The following GRIP1 variants were observed in gnomAD, a reference collection of about 807,000 sequenced individuals.
The protein encoded by GRIP1 is glutamate receptor interacting protein 1.
In GRIP1, 45 loss-of-function variants were observed where a neutral mutation model predicts 129.9. The observed-to-expected ratio is 0.35, with a 90% confidence interval of 0.27 to 0.44. The LOEUF is 0.44. Ranked by LOEUF, GRIP1 falls within the 20% of genes least tolerant of loss-of-function variation. The pLI is 1.00. For synonymous variants in GRIP1, 530 were observed against 520.8 expected, an observed-to-expected ratio of 1.02 and a Z score of -0.24; for missense variants, 1,196 against 1,396.8, an observed-to-expected ratio of 0.86 and a Z score of 2.29.
At chr12:66,958,836 T>TA (rs1198544899) in intron 1 of GRIP1, among the ~76,000 whole-genome samples, 9 of 152,270 alleles carry the variant, frequency 5.9e-5, no homozygotes, top group African/African-American at 1.7e-4. Context: ...GAATGGGAAA[T>TA]AGAGTTTAGG....
intron 1 of GRIP1, among the ~76,000 whole-genome samples, chr12:66,832,837 A>G (rs530572134): frequency 6.6e-6 from 1 of 152,148 alleles, no homozygotes; most frequent in Non-Finnish European, 1.5e-5. Flanking sequence ...ACTGTAAAAT[A>G]CTCTCTAACA....
intron 7 of GRIP1, among the ~76,000 whole-genome samples, chr12:66,469,004 T>C (rs748760332): frequency 6.6e-6 from 1 of 152,230 alleles, no homozygotes; most frequent in Non-Finnish European, 1.5e-5. Context: ...GATGCAAATA[T>C]GCAATTAATG....
intron 1 of GRIP1, among the ~76,000 whole-genome samples, chr12:66,708,380 A>G (rs2136387484): frequency 6.6e-6 from 1 of 152,148 alleles, no homozygotes; most frequent in East Asian, 1.9e-4. Context: ...GAGCTACCTA[A>G]TGAAGAGTGT....
rs952825638 is a variant in GRIP1, at chr12:66,708,323, GA to G, written c.-419-77988del. ...AAATTACAGGTAATAAAAACTTAAA[GA>G]AAAAAAAATCCTAACCCCTGTCTAA... is the stretch of plus-strand genomic sequence containing the variant. On this transcript the variant is annotated intron_variant, in intron 1 of 4. Transcript: ENST00000538373. Among the ~76,000 whole-genome samples, 493 of 150,784 alleles carry G rather than the reference GA, an allele frequency of 3.3e-3. 1 individual carries two copies. Among genetic ancestry groups the G allele is most frequent in the African/African-American group, 0.011 (462 of 41,212 alleles).
At chr12:66,892,156 G>T (rs1791848512) in intron 1 of GRIP1, among the ~76,000 whole-genome samples, 1 of 152,102 alleles carries the variant, frequency 6.6e-6, no homozygotes, top group Non-Finnish European at 1.5e-5. Flanking sequence ...GATGATAGTA[G>T]GGATGGTGAC....
At chr12:66,617,085 T>TTTTGTGTGTGTGTGTG (rs1555217385) in intron 1 of GRIP1, among the ~76,000 whole-genome samples, 1 of 135,450 alleles carries the variant, frequency 7.4e-6, no homozygotes, top group Non-Finnish European at 1.6e-5. Context: ...AACAGACGTT[T>TTTTGTGTGTGTGTGTG]TGTGTGTGTG....
rs75472570 is a variant in GRIP1, at chr12:66,830,468, C to T, written c.59-233541G>A. Reference sequence around the variant, plus strand: ...GCTGGCCTGCAGACAGATGAGGGGCCGAAAGAGGAGGCATGCAGGCAGCCT... The same window carrying T: ...GCTGGCCTGCAGACAGATGAGGGGCTGAAAGAGGAGGCATGCAGGCAGCCT... On this transcript the variant is annotated intron_variant, in intron 1 of 1. Transcript: ENST00000643019. 7.8e-3 allele frequency among the ~76,000 whole-genome samples: 1,182 copies of T among 152,056 alleles called. 18 individuals are homozygous for T. Among genetic ancestry groups the T allele is most frequent in the African/African-American group, 0.027 (1,136 of 41,472 alleles).
intron 2 of GRIP1, among the ~76,000 whole-genome samples, chr12:66,582,249 C>G (rs1459811407): frequency 6.8e-6 from 1 of 146,242 alleles, no homozygotes; most frequent in South Asian, 2.2e-4. Flanking sequence ...ATTGATGGGA[C>G]GTATCTCAAA....
At chr12:66,363,225 A>ATATATATATATATATATATATATATATG (rs1363141435) in intron 23 of GRIP1, among the ~76,000 whole-genome samples, 4 of 133,840 alleles carry the variant, frequency 3.0e-5, no homozygotes, top group Non-Finnish European at 6.4e-5. Context: ...ATATATATAT[A>ATATATATATATATATATATATATATATG]TATAAAGTTT....
chr12:66,492,168 TAAAAAA>T (rs796552698), intron 7 of GRIP1, among the ~76,000 whole-genome samples: 1 of 140,032 alleles, frequency 7.1e-6, no homozygotes, highest in Admixed American at 7.1e-5. Flanking sequence ...ATGTTTCAGT[TAAAAAA>T]AAAAAAAAGT....
chr12:66,896,069 C>A (rs534233616), intron 1 of GRIP1, among the ~76,000 whole-genome samples: 1 of 152,230 alleles, frequency 6.6e-6, no homozygotes, highest in Non-Finnish European at 1.5e-5. Context: ...GAGTTGCCAG[C>A]TAGACAACTG....
intron 1 of GRIP1, among the ~76,000 whole-genome samples, chr12:66,718,279 C>T (rs1592772972): frequency 6.6e-6 from 1 of 152,160 alleles, no homozygotes; most frequent in Admixed American, 6.6e-5. Flanking sequence ...CCAAGGTTTG[C>T]TCCACTTGTT....
intron 1 of GRIP1, among the ~76,000 whole-genome samples, chr12:67,046,457 T>C (rs777636484): frequency 6.6e-6 from 1 of 152,248 alleles, no homozygotes; most frequent in Non-Finnish European, 1.5e-5. Flanking sequence ...CTGACATGAC[T>C]GAATTTCATG....
intron 17 of GRIP1, among the ~76,000 whole-genome samples, chr12:66,393,169 A>ATT (rs60982107): frequency 0.12 from 9,391 of 78,876 alleles, 2,652 homozygotes; most frequent in Non-Finnish European, 0.14. Flanking sequence ...CTTTCTACAG[A>ATT]TTTTTTTTTT....
chr12:66,712,440 T>C (rs2035741110), intron 1 of GRIP1, among the ~76,000 whole-genome samples: 2 of 152,018 alleles, frequency 1.3e-5, no homozygotes, highest in South Asian at 4.1e-4. Context: ...CTGCTTCCTC[T>C]GAAATATCTT....
chr12:66,885,469 A>G (rs17182696), intron 1 of GRIP1, among the ~76,000 whole-genome samples: 1,637 of 152,332 alleles, frequency 0.011, 17 homozygotes, highest in Non-Finnish European at 0.016. Context: ...GAACAAAGCC[A>G]GGAGTAGATG....
intron 1 of GRIP1, among the ~76,000 whole-genome samples, chr12:66,769,432 C>T (rs1158243442): frequency 6.6e-6 from 1 of 152,014 alleles, no homozygotes; most frequent in African/African-American, 2.4e-5. Context: ...GCTTATGAAA[C>T]AGTTCTCCCC....
chr12:66,919,110 G>A (rs1367451844), intron 1 of GRIP1, among the ~76,000 whole-genome samples: 3 of 152,150 alleles, frequency 2.0e-5, no homozygotes, highest in Admixed American at 6.5e-5. Flanking sequence ...CCCCCAGGCT[G>A]TAACAGGTAT....
chr12:66,607,458 T>C (rs896530407), intron 1 of GRIP1, among the ~76,000 whole-genome samples: 1 of 152,220 alleles, frequency 6.6e-6, no homozygotes, highest in Non-Finnish European at 1.5e-5. Flanking sequence ...TGGGACACTC[T>C]CTTTTCTCCT....
Sources: allele counts gnomAD v4.1 joint callset (sites outside exome capture counted in the v4.1 genomes callset), GRCh38; gene constraint gnomAD v4.1.1; transcripts MANE v1.5; gene names NCBI Gene and HGNC (gene_info 2026-07-23, HGNC 2026-07-21).